The following APBB2 variants were observed in gnomAD, a reference collection of about 807,000 sequenced individuals.
The protein encoded by APBB2 is amyloid beta precursor protein binding family B member 2, also known as Fe65-like 1.
APBB2 carries 38 observed loss-of-function variants against 82.5 expected under a neutral mutation model. That is an observed-to-expected ratio of 0.46 (90% confidence interval 0.36 to 0.60). APBB2 has a LOEUF of 0.60. APBB2 is among the 20% of genes least tolerant of loss of function. APBB2 has a pLI of 0.00. For synonymous variants in APBB2, 341 were observed against 368.2 expected, an observed-to-expected ratio of 0.93 and a Z score of 0.85; for missense variants, 772 against 972.3, an observed-to-expected ratio of 0.79 and a Z score of 2.74.
intron 12 of APBB2, among the ~76,000 whole-genome samples, chr4:40,887,336 A>T (rs1267540798): frequency 6.6e-6 from 1 of 152,224 alleles, no homozygotes; most frequent in Non-Finnish European, 1.5e-5. Context: ...TGCGCCCTTC[A>T]TGTCTGGTAT....
At chr4:41,110,326 C>T (rs555188186) in intron 2 of APBB2, among the ~76,000 whole-genome samples, 159 of 152,276 alleles carry the variant, frequency 1.0e-3, no homozygotes, top group Non-Finnish European at 1.6e-3. Context: ...TGACCTCAGC[C>T]GGACACGGTG....
At chr4:41,003,994 T>G (rs1351242086) in intron 6 of APBB2, among the ~76,000 whole-genome samples, 1 of 152,202 alleles carries the variant, frequency 6.6e-6, no homozygotes, top group Non-Finnish European at 1.5e-5. Flanking sequence ...ATTACAGGTG[T>G]GAGCCACCAC....
chr4:40,881,549 T>TTTTTTTTTTTTTTA (rs1434045025), intron 12 of APBB2: 1 of 244,498 alleles, frequency 4.1e-6, no homozygotes, highest in Admixed American at 6.8e-5. Flanking sequence ...TTTTTTTTTT[T>TTTTTTTTTTTTTTA]TTGATACAGA....
At chr4:41,070,861 G>A (rs1334221789) in intron 3 of APBB2, among the ~76,000 whole-genome samples, 2 of 151,996 alleles carry the variant, frequency 1.3e-5, no homozygotes, top group Non-Finnish European at 2.9e-5. Context: ...ATAAATATAC[G>A]CTATTCACTT....
At chr4:40,907,671 CTTTTT>C (rs34413606) in intron 10 of APBB2, among the ~76,000 whole-genome samples, 20 of 94,850 alleles carry the variant, frequency 2.1e-4, no homozygotes, top group Non-Finnish European at 3.4e-4. Context: ...GTGCCTGACC[CTTTTT>C]TTTTTTTTTT....
intron 6 of APBB2, among the ~76,000 whole-genome samples, chr4:40,985,449 T>A (rs1800177558): frequency 6.6e-6 from 1 of 152,150 alleles, no homozygotes; most frequent in South Asian, 2.1e-4. Context: ...TTTCAGGCGG[T>A]TACATGAAGA....
intron 6 of APBB2, among the ~76,000 whole-genome samples, chr4:40,999,025 T>C (rs957926010): frequency 7.2e-5 from 11 of 152,074 alleles, no homozygotes; most frequent in African/African-American, 2.7e-4. Flanking sequence ...CCAACCTCGG[T>C]GTATTGCAGG....
chr4:41,027,659 T>C (rs1714992026), intron 5 of APBB2, among the ~76,000 whole-genome samples: 1 of 151,748 alleles, frequency 6.6e-6, no homozygotes, highest in Admixed American at 6.5e-5. Context: ...TAAATGTTTT[T>C]TGACTCCTTA....
chr4:41,145,530 TGCA>T (rs1041991511), intron 1 of APBB2, among the ~76,000 whole-genome samples: 6 of 152,242 alleles, frequency 3.9e-5, no homozygotes, highest in African/African-American at 1.4e-4. Context: ...ATGAAACGCA[TGCA>T]GGAGAAAAAG....
At chr4:40,994,615 C>A (rs142928997) in intron 6 of APBB2, among the ~76,000 whole-genome samples, 83 of 151,942 alleles carry the variant, frequency 5.5e-4, no homozygotes, top group African/African-American at 1.9e-3. Flanking sequence ...GAGATTGACA[C>A]CATCCTGGCT....
At chr4:40,932,975 T>C (rs2154374586) in intron 10 of APBB2, among the ~76,000 whole-genome samples, 1 of 152,298 alleles carries the variant, frequency 6.6e-6, no homozygotes, top group East Asian at 1.9e-4. Flanking sequence ...GTGATTCTCC[T>C]GCCTCAGCCT....
intron 12 of APBB2, among the ~76,000 whole-genome samples, chr4:40,836,227 A>G (rs528983369): frequency 2.0e-5 from 3 of 152,190 alleles, no homozygotes; most frequent in Non-Finnish European, 4.4e-5. Flanking sequence ...CTGTAATCCC[A>G]GCATTTTGGG....
At chr4:41,048,405 A>G (rs1441610224) in intron 4 of APBB2, among the ~76,000 whole-genome samples, 10 of 152,128 alleles carry the variant, frequency 6.6e-5, no homozygotes, top group East Asian at 1.9e-4. Context: ...TATCAATCAC[A>G]CTATTTACCA....
intron 10 of APBB2, among the ~76,000 whole-genome samples, chr4:40,902,612 C>A (rs975981275): frequency 1.3e-5 from 2 of 152,202 alleles, no homozygotes; most frequent in African/African-American, 4.8e-5. Context: ...TGGCTCACTG[C>A]AGCCTTGACC....
At position 40,824,689 on chromosome 4, in the gene APBB2, C is replaced by CATGG. The variant is rs1326477660; in HGVS notation, c.1817-931_1817-930insCCAT. 2.4e-4 allele frequency among the ~76,000 whole-genome samples: 37 copies of CATGG among 152,222 alleles called. 2 individuals are homozygous for CATGG. The highest frequency in any genetic ancestry group is 8.9e-4 in the African/African-American group (37 of 41,512). ...TTTTTTTTGTAGAGATGAGGTTTTGCCATGTTGCCTGGGCTGGTCTTGAAC... is the reference window on the plus strand; with the variant it reads ...TTTTTTTTGTAGAGATGAGGTTTTGCATGGCATGTTGCCTGGGCTGGTCTTGAAC... On this transcript the variant is annotated intron_variant, in intron 15 of 17. Coordinates refer to ENST00000508593, the MANE Select transcript of APBB2 (RefSeq NM_004307.2).
intron 6 of APBB2, among the ~76,000 whole-genome samples, chr4:40,957,488 TAAAGAAAC>T (rs1305960410): frequency 2.6e-5 from 4 of 152,206 alleles, no homozygotes; most frequent in Non-Finnish European, 4.4e-5. Context: ...GTTGAGCCCT[TAAAGAAAC>T]AGAAAGGAAG....
chr4:40,854,411 T>C (rs1277523322), intron 12 of APBB2, among the ~76,000 whole-genome samples: 2 of 152,266 alleles, frequency 1.3e-5, no homozygotes, highest in East Asian at 1.9e-4. Context: ...GGAGAGTAAA[T>C]AGGGACACAG....
chr4:40,824,875 TC>T (rs1749341092), intron 15 of APBB2, among the ~76,000 whole-genome samples: 1 of 151,936 alleles, frequency 6.6e-6, no homozygotes, highest in African/African-American at 2.4e-5. Context: ...TTTCCCCCAC[TC>T]CCCAGACCCC....
At chr4:41,144,203 G>A (rs1167912691) in intron 1 of APBB2, among the ~76,000 whole-genome samples, 1 of 152,182 alleles carries the variant, frequency 6.6e-6, no homozygotes, top group African/African-American at 2.4e-5. Context: ...TTCTATTTCT[G>A]TAAATCAAAA....
Sources: gnomAD v4.1 joint callset for allele counts (sites outside exome capture counted in the v4.1 genomes callset) on GRCh38, gnomAD v4.1.1 for gene constraint, MANE v1.5 for transcripts, NCBI Gene and HGNC (gene_info 2026-07-23, HGNC 2026-07-21) for gene names.